ATP9A: variants seen among roughly 807,000 people sequenced by gnomAD.
ATP9A encodes ATPase phospholipid transporting 9A, also known as probable phospholipid-transporting ATPase IIA.
Under a neutral mutation model 144.1 loss-of-function variants are expected in ATP9A, and 52 were observed. The ratio of observed to expected loss-of-function variants is 0.36; its 90% confidence interval spans 0.29 to 0.45. The LOEUF (loss-of-function observed/expected upper bound fraction) is 0.45. Ranked by LOEUF, ATP9A falls within the 20% of genes least tolerant of loss-of-function variation. The probability of loss-of-function intolerance (pLI) is 1.00; values close to 1 mark genes in which losing one functional copy is unlikely to be tolerated. For synonymous variants in ATP9A, 582 were observed against 557.4 expected, an observed-to-expected ratio of 1.04 and a Z score of -0.62; for missense variants, 947 against 1,392.7, an observed-to-expected ratio of 0.68 and a Z score of 5.09.
chr20:51,618,812 G>A lies in ATP9A; in HGVS notation c.2206-6C>T, dbSNP rs2077213993. 8.8e-6 allele frequency: 14 copies of A among 1,585,106 alleles called. No individual in the cohort carries two copies. The highest frequency in any genetic ancestry group is 1.2e-5 in the Non-Finnish European group (14 of 1,163,180). Reference sequence around the variant, plus strand: ...TCATAGTACTTGAGGCAAACCTGCAGGGTGGAGGGAGAGGTGGTGCGTTGG... The same window carrying A: ...TCATAGTACTTGAGGCAAACCTGCAAGGTGGAGGGAGAGGTGGTGCGTTGG... On this transcript the variant is annotated splice_polypyrimidine_tract_variant and splice_region_variant and intron_variant, in intron 20 of 27. Transcript: ENST00000338821.
intron 18 of ATP9A, among the ~76,000 whole-genome samples, chr20:51,623,801 A>AAAAAAAAAAAAAAG (rs558189054): frequency 7.5e-6 from 1 of 133,390 alleles, no homozygotes; most frequent in Non-Finnish European, 1.5e-5. Flanking sequence ...AAAAAAAAAA[A>AAAAAAAAAAAAAAG]AAAGAAAGAA....
intron 3 of ATP9A, 53 bp downstream of exon 3, chr20:51,725,766 T>C (rs2077709575): frequency 7.7e-7 from 1 of 1,297,960 alleles, no homozygotes; most frequent in South Asian, 1.2e-5. Flanking sequence ...AACAAAGAAC[T>C]TTCTGTTTCC....
At chr20:51,742,986 AG>A (rs2077791545) in intron 1 of ATP9A, among the ~76,000 whole-genome samples, 1 of 152,232 alleles carries the variant, frequency 6.6e-6, no homozygotes, top group African/African-American at 2.4e-5. Context: ...TGCAGCACCC[AG>A]AACCATTGCC....
At chr20:51,684,422 C>A (rs1337952032) in intron 9 of ATP9A, among the ~76,000 whole-genome samples, 1 of 152,170 alleles carries the variant, frequency 6.6e-6, no homozygotes, top group Non-Finnish European at 1.5e-5. Context: ...TACGGCCAGG[C>A]GCGGTGGCTC....
chr20:51,725,386 T>C (rs1568837269), intron 3 of ATP9A, among the ~76,000 whole-genome samples: 1 of 152,104 alleles, frequency 6.6e-6, no homozygotes, highest in Non-Finnish European at 1.5e-5. Flanking sequence ...CCTCCCAAAG[T>C]GCTAGGACTA....
At chr20:51,634,158 G>A (rs556193508) in intron 15 of ATP9A, among the ~76,000 whole-genome samples, 2 of 152,254 alleles carry the variant, frequency 1.3e-5, no homozygotes, top group Non-Finnish European at 2.9e-5. Flanking sequence ...TTCACAACTA[G>A]CTGAAGAGTG....
At chr20:51,696,224 C>T (rs2077570271) in intron 5 of ATP9A, 80 bp from the exon 6 acceptor site, 7 of 1,296,872 alleles carry the variant, frequency 5.4e-6, no homozygotes, top group Admixed American at 1.9e-5. Flanking sequence ...TCCGCCCCCA[C>T]CCCCAACCCC....
chr20:51,711,153 G>A (rs2077636847), intron 4 of ATP9A, among the ~76,000 whole-genome samples: 2 of 152,110 alleles, frequency 1.3e-5, no homozygotes, highest in Non-Finnish European at 2.9e-5. Context: ...GTAGCAACAT[G>A]TCCTAAATAC....
At position 51,607,590 on chromosome 20, in the gene ATP9A, T is replaced by C; in HGVS notation, c.2746-6A>G. On this transcript the variant is annotated splice_region_variant and splice_polypyrimidine_tract_variant and intron_variant, in intron 25 of 27. Transcript: ENST00000338821. ...TTGTAGGACAACGGCCGTCCCTGAATGAGAGACAGAGAAAGGTTAGAGCCG... is the reference window on the plus strand; with the variant it reads ...TTGTAGGACAACGGCCGTCCCTGAACGAGAGACAGAGAAAGGTTAGAGCCG... 2.5e-6 allele frequency: 4 copies of C among 1,611,874 alleles called. No individual in the cohort carries two copies. The highest frequency in any genetic ancestry group is 3.4e-6 in the Non-Finnish European group (4 of 1,178,158).
Position 51,739,814 on chromosome 20 carries a change from T to C in ATP9A, c.69-9836A>G, listed in dbSNP as rs114187195. Among the ~76,000 whole-genome samples the C allele has an allele frequency of 9.3e-3, 1,421 of 152,164 alleles. 17 individuals carry two copies. Among genetic ancestry groups the C allele is most frequent in the African/African-American group, 0.032 (1,335 of 41,508 alleles). ...TGCTAGAAATACTTGGAAAGATGTG[T>C]TCTTCTCCCTGGGGTTGCTAAGGTA... On this transcript the variant is annotated intron_variant, in intron 1 of 27. Coordinates refer to ENST00000338821, the MANE Select transcript of ATP9A (RefSeq NM_006045.3).
At chr20:51,691,241 C>T (rs987615636) in intron 7 of ATP9A, among the ~76,000 whole-genome samples, 8 of 152,214 alleles carry the variant, frequency 5.3e-5, no homozygotes, top group African/African-American at 1.4e-4. Context: ...CTGAAGTGGG[C>T]GGATCACTTG....
At chr20:51,736,519 T>TA (rs2077763307) in intron 1 of ATP9A, among the ~76,000 whole-genome samples, 1 of 150,896 alleles carries the variant, frequency 6.6e-6, no homozygotes, top group African/African-American at 2.4e-5. Flanking sequence ...TTGTTTTTGT[T>TA]TTTTTTTCCT....
At chr20:51,623,696 G>A (rs1601063264) in intron 18 of ATP9A, among the ~76,000 whole-genome samples, 1 of 151,076 alleles carries the variant, frequency 6.6e-6, no homozygotes, top group South Asian at 2.1e-4. Flanking sequence ...GCTGAGGCAG[G>A]AGAATCTCTT....
intron 15 of ATP9A, among the ~76,000 whole-genome samples, chr20:51,633,344 G>A (rs1182262269): frequency 6.6e-6 from 1 of 152,172 alleles, no homozygotes; most frequent in Non-Finnish European, 1.5e-5. Flanking sequence ...ATGGAGTTCA[G>A]TGATAATTTT....
At chr20:51,724,589 T>C (rs1358269541) in intron 3 of ATP9A, among the ~76,000 whole-genome samples, 55 of 152,322 alleles carry the variant, frequency 3.6e-4, no homozygotes, top group Admixed American at 6.5e-5. Flanking sequence ...TTTTCACAAT[T>C]TGTAACAATT....
intron 21 of ATP9A, 106 bp from the exon 22 acceptor site, chr20:51,617,660 G>A: frequency 1.6e-6 from 2 of 1,264,288 alleles, no homozygotes; most frequent in Middle Eastern, 2.1e-4. Context: ...CGCTTGCTGA[G>A]TGCCTGGCCT....
At chr20:51,604,244 A>C (rs1352936790) in intron 27 of ATP9A, among the ~76,000 whole-genome samples, 1 of 151,970 alleles carries the variant, frequency 6.6e-6, no homozygotes, top group African/African-American at 2.4e-5. Context: ...GAGCCCGTCC[A>C]CCTCATCTGC....
intron 14 of ATP9A, among the ~76,000 whole-genome samples, chr20:51,649,695 A>T (rs1344226015): frequency 6.6e-6 from 1 of 152,184 alleles, no homozygotes; most frequent in Admixed American, 6.5e-5. Context: ...CGGGCAGATC[A>T]CTTGAGGTCA....
At chr20:51,728,400 G>A (rs2077725036) in intron 2 of ATP9A, among the ~76,000 whole-genome samples, 1 of 152,120 alleles carries the variant, frequency 6.6e-6, no homozygotes, top group African/African-American at 2.4e-5. Flanking sequence ...GCCAAGGTGG[G>A]TGGATCACCT....
Sources: allele counts gnomAD v4.1 joint callset (sites outside exome capture counted in the v4.1 genomes callset), GRCh38; gene constraint gnomAD v4.1.1; transcripts MANE v1.5; gene names NCBI Gene and HGNC (gene_info 2026-07-23, HGNC 2026-07-21).